Variants in PDE4D observed in about 807,000 individuals in gnomAD.
PDE4D encodes the protein phosphodiesterase 4D.
Under a neutral mutation model 87.4 loss-of-function variants are expected in PDE4D, and 24 were observed. The observed-to-expected ratio is 0.27, with a 90% CI of 0.20 to 0.39. PDE4D has a LOEUF of 0.39. PDE4D is among the 10% of genes least tolerant of loss of function. The pLI, the probability that PDE4D is intolerant of heterozygous loss-of-function variation, is 1.00. For synonymous variants in PDE4D, 384 were observed against 383.2 expected, an observed-to-expected ratio of 1.00 and a Z score of -0.02; for missense variants, 714 against 1,041.0, an observed-to-expected ratio of 0.69 and a Z score of 4.32.
At chr5:59,097,259 G>T (rs1769901188) in intron 5 of PDE4D, among the ~76,000 whole-genome samples, 1 of 152,104 alleles carries the variant, frequency 6.6e-6, no homozygotes, top group Non-Finnish European at 1.5e-5. Flanking sequence ...AGACTGTTTG[G>T]GTAATTTATT....
intron 1 of PDE4D, among the ~76,000 whole-genome samples, chr5:59,741,094 C>A (rs1442880155): frequency 2.0e-5 from 3 of 152,174 alleles, no homozygotes; most frequent in African/African-American, 7.2e-5. Flanking sequence ...GAATCAATGA[C>A]AAGCTCTTCC....
chr5:60,048,924 T>A (rs1321847846), intron 2 of PDE4D, among the ~76,000 whole-genome samples: 1 of 152,212 alleles, frequency 6.6e-6, no homozygotes, highest in East Asian at 1.9e-4. Flanking sequence ...CCTTGCTACA[T>A]TGGGGAAGTT....
At chr5:59,944,681 A>C (rs1757555109) in intron 3 of PDE4D, among the ~76,000 whole-genome samples, 1 of 152,212 alleles carries the variant, frequency 6.6e-6, no homozygotes, top group Admixed American at 6.5e-5. Flanking sequence ...GTATCTGGGC[A>C]TGCTTTTAAA....
chr5:59,156,194 T>A (rs1780148390), intron 5 of PDE4D, among the ~76,000 whole-genome samples: 1 of 150,516 alleles, frequency 6.6e-6, no homozygotes, highest in South Asian at 2.1e-4. Flanking sequence ...CCAAAGTGAG[T>A]AAGGAGGACA....
intron 1 of PDE4D, among the ~76,000 whole-genome samples, chr5:60,191,477 C>G (rs558686771): frequency 2.0e-5 from 3 of 152,236 alleles, no homozygotes; most frequent in African/African-American, 7.2e-5. Context: ...TCCTTCCTGC[C>G]TCCTTGTGAA....
At chr5:59,129,733 C>T (rs905668757) in intron 5 of PDE4D, among the ~76,000 whole-genome samples, 4 of 152,032 alleles carry the variant, frequency 2.6e-5, no homozygotes, top group East Asian at 1.9e-4. Flanking sequence ...ACATTCTGGT[C>T]GCGAATGGTG....
chr5:59,142,937 T>C (rs1374468947), intron 5 of PDE4D, among the ~76,000 whole-genome samples: 1 of 152,104 alleles, frequency 6.6e-6, no homozygotes, highest in Non-Finnish European at 1.5e-5. Flanking sequence ...ATGTAAGTAA[T>C]GGATTATTTG....
intron 1 of PDE4D, among the ~76,000 whole-genome samples, chr5:59,237,656 C>T (rs1159306290): frequency 6.6e-6 from 1 of 152,104 alleles, no homozygotes; most frequent in Non-Finnish European, 1.5e-5. Flanking sequence ...AAATAATGGT[C>T]TCTGGTCTAT....
At position 59,193,559 on chromosome 5, in the gene PDE4D, C is replaced by T. The variant is rs753471650; in HGVS notation, c.648-23G>A. ...TGTCTGAAAAATAAACCAAATCCCG[C>T]ATTAGAAATCATCAATAACTCTGTG... On this transcript the variant is annotated intron_variant, in intron 2 of 14. Transcript: ENST00000340635. 5 of 1,611,438 alleles carry T rather than the reference C, an allele frequency of 3.1e-6. No homozygotes were observed. In the African/African-American group the frequency reaches 5.3e-5, roughly 17 times the overall value.
At chr5:59,888,583 G>A (rs775721177) in intron 1 of PDE4D, among the ~76,000 whole-genome samples, 4 of 151,994 alleles carry the variant, frequency 2.6e-5, no homozygotes, top group African/African-American at 9.7e-5. Context: ...AATATCCTTA[G>A]TGTCCTTACA....
chr5:59,924,757 T>G (rs1755053044), intron 3 of PDE4D, among the ~76,000 whole-genome samples: 1 of 152,020 alleles, frequency 6.6e-6, no homozygotes, highest in South Asian at 2.1e-4. Flanking sequence ...AAGAATCAAT[T>G]AAAAATACAA....
intron 2 of PDE4D, among the ~76,000 whole-genome samples, chr5:60,048,076 T>C (rs1769538568): frequency 6.6e-6 from 1 of 152,140 alleles, no homozygotes; most frequent in Non-Finnish European, 1.5e-5. Flanking sequence ...ATATTTAGGA[T>C]AGTTAGCTCT....
intron 1 of PDE4D, among the ~76,000 whole-genome samples, chr5:59,742,356 G>A (rs540227798): frequency 5.9e-4 from 90 of 152,228 alleles, no homozygotes; most frequent in African/African-American, 2.0e-3. Context: ...GAGCCACTGC[G>A]TCTGGCCATC....
chr5:60,348,048 A>G (rs1378710361), intron 1 of PDE4D, among the ~76,000 whole-genome samples: 1 of 152,130 alleles, frequency 6.6e-6, no homozygotes, highest in African/African-American at 2.4e-5. Flanking sequence ...GTATATGCCC[A>G]TAAGCCCTAC....
chr5:59,572,455 T>G (rs1305284831), intron 1 of PDE4D, among the ~76,000 whole-genome samples: 2 of 151,922 alleles, frequency 1.3e-5, no homozygotes, highest in Non-Finnish European at 2.9e-5. Context: ...GTACACAGGT[T>G]TTTTGTTTTG....
chr5:59,581,280 T>G (rs1029689109), intron 1 of PDE4D, among the ~76,000 whole-genome samples: 11 of 152,188 alleles, frequency 7.2e-5, no homozygotes, highest in African/African-American at 9.6e-5. Context: ...TTAGTTTTTT[T>G]GGGTTCTTCT....
At chr5:60,221,248 A>G (rs1276636214) in intron 1 of PDE4D, among the ~76,000 whole-genome samples, 2 of 152,128 alleles carry the variant, frequency 1.3e-5, no homozygotes, top group African/African-American at 2.4e-5. Flanking sequence ...TTTTAAATGC[A>G]TGAAAAAAGA....
intron 1 of PDE4D, among the ~76,000 whole-genome samples, chr5:60,272,338 T>C (rs950724932): frequency 2.0e-5 from 3 of 152,240 alleles, no homozygotes; most frequent in African/African-American, 7.2e-5. Context: ...CGTATACTTA[T>C]TCATTTGCTG....
rs541957789 is a variant in PDE4D at position 60,365,124 on chromosome 5, A to G, written c.-90+122818T>C. Among the ~76,000 whole-genome samples the G allele has an allele frequency of 3.9e-5, 6 of 152,356 alleles. 1 individual carries two copies. In the South Asian group the frequency reaches 1.2e-3, roughly 32 times the overall value. On this transcript the variant is annotated intron_variant, in intron 1 of 16. Transcript: ENST00000502484. ...GAAGCTTCCCACTCAACTTTAAAAT[A>G]ATACAGGAACATATTTCTAAGGGCA...
Sources: allele counts gnomAD v4.1 joint callset (sites outside exome capture counted in the v4.1 genomes callset), GRCh38; gene constraint gnomAD v4.1.1; transcripts MANE v1.5; gene names NCBI Gene and HGNC (gene_info 2026-07-23, HGNC 2026-07-21).